Variants in RBPMS observed in about 807,000 individuals in gnomAD.
RBPMS encodes RNA binding protein, mRNA processing factor.
RBPMS carries 7 observed loss-of-function variants against 26.8 expected under a neutral mutation model. The ratio of observed to expected loss-of-function variants is 0.26; its 90% CI spans 0.15 to 0.49. The LOEUF is 0.49. Ranked by LOEUF, RBPMS falls within the 20% of genes least tolerant of loss-of-function variation. The pLI, the probability that RBPMS is intolerant of heterozygous loss-of-function variation, is 0.98. For missense variants in RBPMS, 186 were observed against 250.0 expected (o/e 0.74, Z 1.73); for synonymous variants, 96 against 93.3 (o/e 1.03, Z -0.17).
At chr8:30,508,234 G>T (rs1362880170) in intron 5 of RBPMS, among the ~76,000 whole-genome samples, 2 of 152,134 alleles carry the variant, frequency 1.3e-5, no homozygotes, top group Admixed American at 1.3e-4. Flanking sequence ...GAGACCTCAG[G>T]AGAAACCAAC....
chr8:30,521,700 T>G (rs112419364), intron 5 of RBPMS, among the ~76,000 whole-genome samples: 1 of 140,142 alleles, frequency 7.1e-6, no homozygotes, highest in Non-Finnish European at 1.6e-5. Flanking sequence ...TCCTCTCCTC[T>G]ACCCCCCTTT....
intron 5 of RBPMS, among the ~76,000 whole-genome samples, chr8:30,522,160 C>T (rs1024591863): frequency 6.6e-6 from 1 of 151,900 alleles, no homozygotes; most frequent in African/African-American, 2.4e-5. Context: ...TGAGTCAGGG[C>T]CAGTGGCACA....
At chr8:30,479,996 T>C (rs998603186) in intron 4 of RBPMS, among the ~76,000 whole-genome samples, 4 of 151,784 alleles carry the variant, frequency 2.6e-5, no homozygotes, top group African/African-American at 9.7e-5. Flanking sequence ...CAGTATTGTT[T>C]TGGTGAATAT....
intron 5 of RBPMS, among the ~76,000 whole-genome samples, chr8:30,538,559 A>G (rs530184959): frequency 2.0e-5 from 3 of 152,268 alleles, no homozygotes; most frequent in Admixed American, 1.3e-4. Context: ...CCCGGCAACA[A>G]TCTTTTCATT....
intron 5 of RBPMS, among the ~76,000 whole-genome samples, chr8:30,519,037 G>A (rs1175824265): frequency 6.6e-6 from 1 of 152,064 alleles, no homozygotes; most frequent in Non-Finnish European, 1.5e-5. Flanking sequence ...AAGAAACACT[G>A]CTAATGAACG....
chr8:30,541,340 T>C (rs2151037788), intron 5 of RBPMS, among the ~76,000 whole-genome samples: 1 of 152,310 alleles, frequency 6.6e-6, no homozygotes. Flanking sequence ...AGTTGGAAGT[T>C]TCCAGTCCTT....
intron 1 of RBPMS, 37 bp from the exon 2 acceptor site, chr8:30,474,742 C>A (rs750613237): frequency 1.3e-5 from 16 of 1,251,288 alleles, no homozygotes; most frequent in Non-Finnish European, 1.8e-5. Context: ...TCTGGAGTGT[C>A]CACACCCTTG....
chr8:30,521,393 T>TC (rs2150986097), intron 5 of RBPMS, among the ~76,000 whole-genome samples: 1 of 152,272 alleles, frequency 6.6e-6, no homozygotes, highest in Non-Finnish European at 1.5e-5. Flanking sequence ...ATTGACGTTT[T>TC]CCCCAAAAGG....
intron 5 of RBPMS, among the ~76,000 whole-genome samples, chr8:30,506,483 T>C (rs542603140): frequency 6.6e-6 from 1 of 152,304 alleles, no homozygotes; most frequent in African/African-American, 2.4e-5. Context: ...GTCAACCTTA[T>C]TATCCATTGC....
At chr8:30,454,097 AC>A in intron 1 of RBPMS, among the ~76,000 whole-genome samples, 1 of 152,202 alleles carries the variant, frequency 6.6e-6, no homozygotes, top group East Asian at 1.9e-4. Context: ...ATTTTTTTGA[AC>A]TCATATCATC....
chr8:30,506,960 C>G (rs770925202), intron 5 of RBPMS, among the ~76,000 whole-genome samples: 2 of 152,080 alleles, frequency 1.3e-5, no homozygotes, highest in Non-Finnish European at 2.9e-5. Flanking sequence ...GCTGTCGTTC[C>G]GGGGAGGTGA....
intron 5 of RBPMS, among the ~76,000 whole-genome samples, chr8:30,534,738 C>T (rs1824624890): frequency 6.6e-6 from 1 of 152,196 alleles, no homozygotes; most frequent in Non-Finnish European, 1.5e-5. Flanking sequence ...TCATCAGTTT[C>T]CTAGGTCAGT....
intron 6 of RBPMS, among the ~76,000 whole-genome samples, chr8:30,549,804 T>TCTCTCTCTCTCTCTCC (rs1383466717): frequency 9.7e-6 from 1 of 102,794 alleles, no homozygotes; most frequent in African/African-American, 4.6e-5. Context: ...CTCCCCTCTC[T>TCTCTCTCTCTCTCTCC]CCTCTCTCTC....
At chr8:30,430,342 G>A (rs566917921) in intron 1 of RBPMS, among the ~76,000 whole-genome samples, 2 of 152,312 alleles carry the variant, frequency 1.3e-5, no homozygotes, top group African/African-American at 4.8e-5. Context: ...CTCTGGAGGA[G>A]TAACAAGTTG....
intron 1 of RBPMS, among the ~76,000 whole-genome samples, chr8:30,454,407 T>C (rs190419697): frequency 6.6e-6 from 1 of 152,144 alleles, no homozygotes; most frequent in African/African-American, 2.4e-5. Flanking sequence ...TGAAGTACAT[T>C]AGGGGTATAT....
intron 1 of RBPMS, among the ~76,000 whole-genome samples, chr8:30,460,037 A>G (rs1815707251): frequency 6.6e-6 from 1 of 152,228 alleles, no homozygotes; most frequent in African/African-American, 2.4e-5. Context: ...GACTTGATTC[A>G]TGCAACCACA....
intron 5 of RBPMS, among the ~76,000 whole-genome samples, chr8:30,507,458 T>C (rs2150945046): frequency 6.6e-6 from 1 of 152,304 alleles, no homozygotes. Flanking sequence ...TCCTAATAGT[T>C]ACAGCAGATA....
chr8:30,552,792 G>C (rs898238427), intron 6 of RBPMS: 3 of 152,230 alleles, frequency 2.0e-5, no homozygotes, highest in Non-Finnish European at 4.4e-5. Flanking sequence ...TAAGAGCCCA[G>C]GAGAGAAAAT....
chr8:30,428,216 G>T (rs1219137039), intron 1 of RBPMS, among the ~76,000 whole-genome samples: 1 of 151,796 alleles, frequency 6.6e-6, no homozygotes, highest in East Asian at 1.9e-4. Context: ...TAGAGATGGG[G>T]TTTACCATGT....
Sources: allele counts gnomAD v4.1 joint callset (sites outside exome capture counted in the v4.1 genomes callset), GRCh38; gene constraint gnomAD v4.1.1; transcripts MANE v1.5; gene names NCBI Gene and HGNC (gene_info 2026-07-23, HGNC 2026-07-21).